CAPRIN1: variants seen among roughly 807,000 people sequenced by gnomAD.
CAPRIN1 encodes caprin-1.
In CAPRIN1, 29 loss-of-function variants were observed where a neutral mutation model predicts 100.9. The observed-to-expected ratio is 0.29, with a 90% CI of 0.21 to 0.39. CAPRIN1 has a LOEUF of 0.39. Ranked by LOEUF, CAPRIN1 falls within the 10% of genes least tolerant of loss-of-function variation. CAPRIN1 has a pLI of 1.00. For synonymous variants in CAPRIN1, 338 were observed against 307.5 expected (o/e 1.10, Z -1.04); for missense variants, 795 against 876.7 (o/e 0.91, Z 1.18).
At chr11:34,073,865 T>G (rs537032372) in intron 4 of CAPRIN1, among the ~76,000 whole-genome samples, 1 of 152,334 alleles carries the variant, frequency 6.6e-6, no homozygotes, top group East Asian at 1.9e-4. Context: ...TGAGACCGGA[T>G]AATTTATATA....
intron 13 of CAPRIN1, 104 bp from the exon 14 acceptor site, chr11:34,090,425 A>G: frequency 7.3e-7 from 1 of 1,367,256 alleles, no homozygotes; most frequent in East Asian, 2.3e-5. Flanking sequence ...GTTTGTTAAT[A>G]CATATAAGTT....
chr11:34,070,249 A>G (rs1340463991), intron 2 of CAPRIN1, among the ~76,000 whole-genome samples: 9 of 152,346 alleles, frequency 5.9e-5, no homozygotes, highest in Admixed American at 1.3e-4. Context: ...CTTAAACCAG[A>G]TGTTAGTTTT....
chr11:34,096,522 G>A lies in CAPRIN1; in HGVS notation c.1749G>A (p.Val583=). ...YHGSPDQSHQ[V]TGNHQQPPQQ... The stretch of plus-strand genomic sequence containing the variant: ...GTTCCCCAGACCAGTCCCATCAAGT[G>A]ACTGGTAACCACCAGCAGCCTCCTC... The change falls in exon 16 of 19, where the codon GTG becomes GTA. Residue 583 remains valine, a synonymous_variant. Coordinates refer to ENST00000341394, the MANE Select transcript of CAPRIN1 (RefSeq NM_005898.5). The A allele has an allele frequency of 2.5e-6, 4 of 1,614,018 alleles. No homozygotes were observed. The highest frequency in any genetic ancestry group is 3.4e-6 in the Non-Finnish European group (4 of 1,179,964).
At chr11:34,072,878 CTG>C (rs1411707965) in intron 4 of CAPRIN1, among the ~76,000 whole-genome samples, 1 of 152,190 alleles carries the variant, frequency 6.6e-6, no homozygotes, top group African/African-American at 2.4e-5. Context: ...TGTACCTATT[CTG>C]TGTTTCGATA....
rs1389588941 is a variant in CAPRIN1 at position 34,102,219 on chromosome 11, A to T, written c.*2852A>T. ...CTCAGAAGGTTCATTAACTGAGGTG[A>T]TGAGTTAACAACTAGTTGAGCAGTC... On this transcript the variant is annotated 3_prime_UTR_variant, in exon 19 of 19. Coordinates refer to ENST00000341394, the MANE Select transcript of CAPRIN1 (RefSeq NM_005898.5). Among the ~76,000 whole-genome samples the T allele has an allele frequency of 6.6e-6, 1 of 152,204 alleles. No homozygotes were observed. The highest frequency in any genetic ancestry group is 1.5e-5 in the Non-Finnish European group (1 of 68,024).
intron 15 of CAPRIN1, 76 bp downstream of exon 15, chr11:34,092,132 T>G: frequency 7.1e-7 from 1 of 1,417,894 alleles, no homozygotes; most frequent in South Asian, 1.4e-5. Flanking sequence ...CAGTTTAGAC[T>G]TCAGAGTGGT....
At chr11:34,079,157 C>T (rs1850962165) in intron 6 of CAPRIN1, among the ~76,000 whole-genome samples, 1 of 152,194 alleles carries the variant, frequency 6.6e-6, no homozygotes, top group African/African-American at 2.4e-5. Context: ...CTGTTAATCC[C>T]AGCCCTTTGG....
chr11:34,089,898 A>G (rs1851229595), intron 12 of CAPRIN1: 1 of 215,048 alleles, frequency 4.7e-6, no homozygotes, highest in South Asian at 1.2e-4. Flanking sequence ...TTTAGACATA[A>G]TTCTAAAATT....
chr11:34,056,040 T>C (rs920706855), intron 2 of CAPRIN1, among the ~76,000 whole-genome samples: 1 of 152,244 alleles, frequency 6.6e-6, no homozygotes, highest in African/African-American at 2.4e-5. Context: ...TAAGTATAAG[T>C]GAGCATTTCT....
In CAPRIN1 at chr11:34,100,116, AAT is replaced by A. The variant is rs1851431383; in HGVS notation, c.*752_*753del. The A allele has an allele frequency of 6.6e-6, 1 of 152,606 alleles. No individual in the cohort carries two copies. Among genetic ancestry groups the A allele is most frequent in the African/African-American group, 2.4e-5 (1 of 41,458 alleles). The allele number at this position is 152,606 out of a possible 1,614,324, so 9.5% of individuals were successfully genotyped here. A position where few individuals can be genotyped will look rare whatever the true frequency, so the allele number is the denominator to read the frequency against. ...ATGGCCGCTTCTGTACTTAATGTGA[AAT>A]ATTTAGATACCTTTTTGAACACTTA... is the stretch of plus-strand genomic sequence containing the variant. On this transcript the variant is annotated 3_prime_UTR_variant, in exon 19 of 19. Coordinates refer to ENST00000341394, the MANE Select transcript of CAPRIN1 (RefSeq NM_005898.5).
At chr11:34,053,128 A>C (rs1386779922) in intron 2 of CAPRIN1, 2 of 991,666 alleles carry the variant, frequency 2.0e-6, no homozygotes, top group African/African-American at 3.5e-5. Flanking sequence ...CATGCACTCG[A>C]GACCTGTCGA....
chr11:34,065,220 C>T (rs751788994), intron 2 of CAPRIN1, among the ~76,000 whole-genome samples: 2 of 152,118 alleles, frequency 1.3e-5, no homozygotes, highest in African/African-American at 2.4e-5. Flanking sequence ...CCTCAGCCTC[C>T]CAAAGTGCTG....
rs375728573 is a variant in CAPRIN1 at position 34,092,079 on chromosome 11, A to G, written c.1705+23A>G. 6 of 1,609,684 alleles carry G rather than the reference A, an allele frequency of 3.7e-6. No individual in the cohort carries two copies. In the African/African-American group the frequency reaches 4.0e-5, roughly 11 times the overall value. On this transcript the variant is annotated intron_variant, in intron 15 of 18. Coordinates refer to ENST00000341394, the MANE Select transcript of CAPRIN1 (RefSeq NM_005898.5). The stretch of plus-strand genomic sequence containing the variant: ...CAGGTACGAAATCCAGTGTCACCTC[A>G]TTGGCTCCTTGCTTTCCAGCACAGT...
intron 2 of CAPRIN1, among the ~76,000 whole-genome samples, chr11:34,066,475 AGGTGGCC>A (rs1850697451): frequency 6.6e-6 from 1 of 151,570 alleles, no homozygotes; most frequent in South Asian, 2.1e-4. Flanking sequence ...CTGGGATTAC[AGGTGGCC>A]GCCTCCATAC....
intron 4 of CAPRIN1, among the ~76,000 whole-genome samples, chr11:34,074,407 A>G (rs1251163117): frequency 1.3e-5 from 2 of 152,220 alleles, no homozygotes; most frequent in East Asian, 1.9e-4. Flanking sequence ...ATTATTAAAC[A>G]TGCTTTTTGT....
At chr11:34,071,652 G>T (rs1850806165) in intron 2 of CAPRIN1, 74 bp from the exon 3 acceptor site, 5 of 981,024 alleles carry the variant, frequency 5.1e-6, no homozygotes, top group South Asian at 4.3e-5. Context: ...GGATTGTGAG[G>T]GTTTTGTCAA....
chr11:34,059,236 CCT>C lies in CAPRIN1; in HGVS notation c.216+6601_216+6602del, dbSNP rs956822922. ...AAGTAGTTTGTTTCCTTTAACTTCC[CCT>C]GTTACCTATTGTCTGTACACTTCTT... is the stretch of plus-strand genomic sequence containing the variant. On this transcript the variant is annotated intron_variant, in intron 2 of 18. Coordinates refer to ENST00000341394, the MANE Select transcript of CAPRIN1 (RefSeq NM_005898.5). Among the ~76,000 whole-genome samples, 9 of 151,870 alleles carry C rather than the reference CCT, an allele frequency of 5.9e-5. No homozygotes were observed. The East Asian group carries it at 1.2e-3, about 19-fold the overall frequency.
Position 34,093,587 on chromosome 11 carries a change from C to T in CAPRIN1, c.1705+1531C>T, listed in dbSNP as rs185063931. Among the ~76,000 whole-genome samples, 396 of 152,286 alleles carry T rather than the reference C, an allele frequency of 2.6e-3. 1 individual carries two copies. The highest frequency in any genetic ancestry group is 0.014 in the Middle Eastern group (4 of 294). ...TAGATTTTTCAGTAGTAAATTCTTA[C>T]ACATCCTGTAGTATTCAGTATCACT... is the stretch of plus-strand genomic sequence containing the variant. On this transcript the variant is annotated intron_variant, in intron 15 of 18. Coordinates refer to ENST00000341394, the MANE Select transcript of CAPRIN1 (RefSeq NM_005898.5).
chr11:34,052,292 C>G (rs1365163246), intron 1 of CAPRIN1, 129 bp from the exon 2 acceptor site: 17 of 775,022 alleles, frequency 2.2e-5, no homozygotes, highest in Non-Finnish European at 3.5e-5. Flanking sequence ...CGCCGCGCCC[C>G]CTCCCCCACC....
Sources: gnomAD v4.1 joint callset for allele counts (sites outside exome capture counted in the v4.1 genomes callset) on GRCh38, gnomAD v4.1.1 for gene constraint, MANE v1.5 for transcripts, NCBI Gene and HGNC (gene_info 2026-07-23, HGNC 2026-07-21) for gene names.